The following KCNMA1 variants were observed in gnomAD, a reference collection of about 807,000 sequenced individuals.
The protein encoded by KCNMA1 is potassium calcium-activated channel subfamily M alpha 1.
In KCNMA1, 29 loss-of-function variants were observed where a neutral mutation model predicts 140.0. The observed-to-expected ratio is 0.21, with a 90% CI of 0.15 to 0.28. The LOEUF (loss-of-function observed/expected upper bound fraction) is 0.28, where lower values mean the gene tolerates loss of function less well. KCNMA1 is among the 10% of genes least tolerant of loss of function. KCNMA1 has a pLI of 1.00. For synonymous variants in KCNMA1, 612 were observed against 611.9 expected (o/e 1.00, Z 0.00); for missense variants, 880 against 1,602.2 (o/e 0.55, Z 7.70).
At chr10:77,532,495 A>AT (rs2057901132) in intron 1 of KCNMA1, among the ~76,000 whole-genome samples, 1 of 152,048 alleles carries the variant, frequency 6.6e-6, no homozygotes, top group African/African-American at 2.4e-5. Context: ...GGGTTGGTTT[A>AT]TTTTTTCCCA....
intron 12 of KCNMA1, 110 bp from the exon 13 acceptor site, chr10:77,079,660 G>T: frequency 2.6e-6 from 2 of 773,428 alleles, no homozygotes; most frequent in Non-Finnish European, 4.6e-6. Flanking sequence ...TGAGGTAGGA[G>T]GCAGGACTTG....
intron 1 of KCNMA1, among the ~76,000 whole-genome samples, chr10:77,452,547 C>CA (rs992352048): frequency 1.3e-5 from 2 of 151,996 alleles, no homozygotes; most frequent in African/African-American, 2.4e-5. Context: ...TATAAATGCG[C>CA]AAAAAAAGTC....
intron 1 of KCNMA1, among the ~76,000 whole-genome samples, chr10:77,602,113 C>T (rs962173513): frequency 2.0e-5 from 3 of 152,204 alleles, no homozygotes; most frequent in African/African-American, 7.2e-5. Flanking sequence ...GGACACAAAA[C>T]TCACCAATGC....
rs117530132 is a variant in KCNMA1, at chr10:77,524,470, T to G, written c.378+112795A>C. On this transcript the variant is annotated intron_variant, in intron 1 of 27. Transcript: ENST00000286628. ...TGCAAACTATGCTCTCTCAGAATAA[T>G]AAGAAGAAGAATATTCCCTTCTCCT... Among the ~76,000 whole-genome samples, 1,518 of 152,242 alleles carry G rather than the reference T, an allele frequency of 1.0e-2. 15 individuals carry two copies. Among genetic ancestry groups the G allele is most frequent in the Non-Finnish European group, 0.016 (1,059 of 68,000 alleles).
intron 3 of KCNMA1, chr10:77,249,970 G>A (rs766714225): frequency 1.3e-5 from 2 of 152,172 alleles, no homozygotes; most frequent in Non-Finnish European, 2.9e-5. Flanking sequence ...CCTCTGATAG[G>A]CTTAAACTTG....
At chr10:77,585,533 C>T (rs2077048699) in intron 1 of KCNMA1, among the ~76,000 whole-genome samples, 1 of 152,186 alleles carries the variant, frequency 6.6e-6, no homozygotes, top group African/African-American at 2.4e-5. Flanking sequence ...ACATGGCAGG[C>T]CCTCAAGAAA....
chr10:76,982,035 G>A (rs904011243), intron 19 of KCNMA1, among the ~76,000 whole-genome samples: 1 of 152,188 alleles, frequency 6.6e-6, no homozygotes, highest in African/African-American at 2.4e-5. Context: ...TTCCTGGGGG[G>A]ATGAGCATTA....
chr10:77,067,602 T>C (rs1265972070), intron 14 of KCNMA1, among the ~76,000 whole-genome samples: 2 of 152,206 alleles, frequency 1.3e-5, no homozygotes. Context: ...TCCCCAGCCC[T>C]TCAGCTCCAC....
intron 1 of KCNMA1, among the ~76,000 whole-genome samples, chr10:77,545,827 G>A (rs75997754): frequency 5.3e-5 from 8 of 152,284 alleles, no homozygotes; most frequent in South Asian, 2.1e-4. Flanking sequence ...ATGCCTCAGC[G>A]TAGGAACAGA....
chr10:76,882,770 C>A (rs2035190498), downstream of KCNMA1, among the ~76,000 whole-genome samples: 1 of 152,228 alleles, frequency 6.6e-6, no homozygotes, highest in African/African-American at 2.4e-5. Context: ...ATCCCTCTCA[C>A]CTCCAATGGT....
At chr10:77,061,446 A>G (rs1252377546) in intron 14 of KCNMA1, among the ~76,000 whole-genome samples, 3 of 152,230 alleles carry the variant, frequency 2.0e-5, no homozygotes, top group Non-Finnish European at 1.5e-5. Flanking sequence ...GAAAACCACA[A>G]TGAGATACCA....
At chr10:76,987,277 G>A (rs1033576313) in intron 19 of KCNMA1, among the ~76,000 whole-genome samples, 2 of 152,124 alleles carry the variant, frequency 1.3e-5, no homozygotes, top group Non-Finnish European at 2.9e-5. Context: ...CATAAAAACT[G>A]TCTAATGGGG....
chr10:77,090,512 T>C lies in KCNMA1; in HGVS notation c.1224-2A>G, dbSNP rs1475140703. On this transcript the variant is annotated splice_acceptor_variant, in intron 9 of 27. Coordinates refer to ENST00000286628, the MANE Select transcript of KCNMA1 (RefSeq NM_001161352.2). LOFTEE classifies it high-confidence loss of function. ...ATGTGTCCGCAGACCACAATGTGCCTGAACAGGAGAGGCCAGTTAGATCAG... is the reference window on the plus strand; with the variant it reads ...ATGTGTCCGCAGACCACAATGTGCCCGAACAGGAGAGGCCAGTTAGATCAG... The C allele has an allele frequency of 6.2e-7, 1 of 1,605,912 alleles. No individual in the cohort carries two copies. The highest frequency in any genetic ancestry group is 8.5e-7 in the Non-Finnish European group (1 of 1,172,524).
intron 14 of KCNMA1, among the ~76,000 whole-genome samples, chr10:77,048,502 G>T (rs774059978): frequency 5.3e-5 from 8 of 152,266 alleles, no homozygotes; most frequent in Admixed American, 1.3e-4. Context: ...AATGGGGAGG[G>T]GATTCTGTGG....
chr10:76,914,435 A>C (rs2051803655), intron 24 of KCNMA1: 1 of 480,464 alleles, frequency 2.1e-6, no homozygotes, highest in African/African-American at 1.9e-5. Flanking sequence ...TTTGGCTGAG[A>C]TATTCAACTA....
chr10:77,261,121 T>G (rs535389197), intron 2 of KCNMA1, among the ~76,000 whole-genome samples: 1 of 152,262 alleles, frequency 6.6e-6, no homozygotes, highest in African/African-American at 2.4e-5. Flanking sequence ...CCCAGCAGTT[T>G]GTCTCTGTCC....
intron 17 of KCNMA1, among the ~76,000 whole-genome samples, chr10:77,013,223 G>A (rs1593599120): frequency 6.6e-6 from 1 of 152,078 alleles, no homozygotes; most frequent in South Asian, 2.1e-4. Context: ...GGATCCACAC[G>A]AGGTCTTGGA....
chr10:76,882,960 C>T (rs1236251364), downstream of KCNMA1, among the ~76,000 whole-genome samples: 1 of 152,226 alleles, frequency 6.6e-6, no homozygotes, highest in Non-Finnish European at 1.5e-5. Context: ...TCTCCTCTTT[C>T]TCCTTCAAGG....
chr10:77,561,054 A>G (rs2066206744), intron 1 of KCNMA1, among the ~76,000 whole-genome samples: 1 of 38,412 alleles, frequency 2.6e-5, no homozygotes, highest in African/African-American at 7.9e-5. Flanking sequence ...AATGTATGGA[A>G]ACACTTTTTT....
Sources: gnomAD v4.1 joint callset for allele counts (sites outside exome capture counted in the v4.1 genomes callset) on GRCh38, gnomAD v4.1.1 for gene constraint, MANE v1.5 for transcripts, NCBI Gene and HGNC (gene_info 2026-07-23, HGNC 2026-07-21) for gene names.